Variants in UBR1 observed in about 807,000 individuals in gnomAD.
UBR1 encodes the protein ubiquitin protein ligase E3 component n-recognin 1.
In UBR1, 102 loss-of-function variants were observed where a neutral mutation model predicts 242.1. That is an observed-to-expected ratio of 0.42 (90% CI 0.36 to 0.50). The LOEUF (loss-of-function observed/expected upper bound fraction) is 0.50, where lower values mean the gene tolerates loss of function less well. UBR1 is among the 20% of genes least tolerant of loss of function. The pLI is 0.01. For missense variants in UBR1, 1,772 were observed against 2,101.8 expected, an observed-to-expected ratio of 0.84 and a Z score of 3.07; for synonymous variants, 675 against 684.8, an observed-to-expected ratio of 0.99 and a Z score of 0.22.
At chr15:42,983,433 G>A (rs1462804008) in intron 37 of UBR1, among the ~76,000 whole-genome samples, 5 of 151,520 alleles carry the variant, frequency 3.3e-5, no homozygotes, top group Non-Finnish European at 5.9e-5. Context: ...GGAGGCAGGC[G>A]AATCACCAGA....
rs760977983 is a variant in UBR1 at position 43,002,737 on chromosome 15, AACT to A, written c.3510-36_3510-34del. ...ATTACAAAGACACAGGCCCATTCAG[AACT>A]ACACATGCATCTCTACATGTGTATC... is the stretch of plus-strand genomic sequence containing the variant. On this transcript the variant is annotated intron_variant, in intron 31 of 46. Coordinates refer to ENST00000290650, the MANE Select transcript of UBR1 (RefSeq NM_174916.3). 4 of 1,613,928 alleles carry A rather than the reference AACT, an allele frequency of 2.5e-6. No individual in the cohort carries two copies. In the South Asian group the frequency reaches 4.4e-5, roughly 18 times the overall value.
chr15:43,023,307 C>T (rs1171412216), intron 25 of UBR1, among the ~76,000 whole-genome samples: 6 of 152,018 alleles, frequency 3.9e-5, no homozygotes, highest in African/African-American at 1.4e-4. Flanking sequence ...AATGTTCAAC[C>T]TGGCCCGGAG....
In UBR1 at chr15:43,015,084, C is replaced by T. The variant is rs574725531; in HGVS notation, c.3209+604G>A. Among the ~76,000 whole-genome samples the T allele has an allele frequency of 9.3e-3, 1,408 of 152,022 alleles. 17 individuals are homozygous for T. The highest frequency in any genetic ancestry group is 0.032 in the African/African-American group (1,340 of 41,482). On this transcript the variant is annotated intron_variant, in intron 29 of 46. Coordinates refer to ENST00000290650, the MANE Select transcript of UBR1 (RefSeq NM_174916.3). ...GAGGTGGGGGGCACCTCGGCCCGGCCGCCCCTACTGGGAAGTGAGGAGCCC... is the reference window on the plus strand; with the variant it reads ...GAGGTGGGGGGCACCTCGGCCCGGCTGCCCCTACTGGGAAGTGAGGAGCCC...
At position 43,002,586 on chromosome 15, in the gene UBR1, T is replaced by C; in HGVS notation, c.3628A>G (p.Ile1210Val). Residue 1210 changes from isoleucine to valine, a missense_variant, in exon 32 of 47, where the codon ATT (isoleucine) becomes GTT (valine). Coordinates refer to ENST00000290650, the MANE Select transcript of UBR1 (RefSeq NM_174916.3). ...ATCTTTTGAGGTTGCAAAGGAATAA[T>C]GGGGATCACAGTATTGCACAGAGAT... ...CKSLCNTVIPIIPLQPQKINS... is the reference protein window; with the variant it reads ...CKSLCNTVIPVIPLQPQKINS... 1 of 1,614,134 alleles carries C rather than the reference T, an allele frequency of 6.2e-7. No homozygotes were observed. Among genetic ancestry groups the C allele is most frequent in the South Asian group, 1.1e-5 (1 of 91,082 alleles).
intron 1 of UBR1, among the ~76,000 whole-genome samples, chr15:43,088,202 G>A (rs1397084857): frequency 2.0e-5 from 3 of 152,124 alleles, no homozygotes; most frequent in African/African-American, 7.2e-5. Context: ...AAACCTGAAT[G>A]TCCGTGAAGA....
At chr15:43,002,986 G>T (rs2032749451) in intron 31 of UBR1, among the ~76,000 whole-genome samples, 1 of 152,184 alleles carries the variant, frequency 6.6e-6, no homozygotes. Context: ...GATACAGCAT[G>T]GACACTACTT....
chr15:43,017,153 T>C lies in UBR1; in HGVS notation c.2969A>G (p.Glu990Gly). 5 of 1,613,642 alleles carry C rather than the reference T, an allele frequency of 3.1e-6. No homozygotes were observed. The highest frequency in any genetic ancestry group is 1.1e-5 in the South Asian group (1 of 91,068). The change falls in exon 28 of 47, where the codon GAA becomes GGA. Residue 990 changes from glutamate to glycine, a missense_variant. Around this residue, in one of 3 missense-constraint regions of UBR1, gnomAD observed 965 missense variants for 1,079.7 expected, o/e 0.89. Coordinates refer to ENST00000290650, the MANE Select transcript of UBR1 (RefSeq NM_174916.3). The part of the protein sequence containing the change: ...QMFDTVKRLR[E>G]KSCLIVATTS... ...GGTTGCTACAATTAAACAAGATTTT[T>C]CTCTTAATCGCTTCACTGTGTCAAA... is the stretch of plus-strand genomic sequence containing the variant.
chr15:42,989,941 A>AAAAGTAAGG (rs1238237161), intron 34 of UBR1, 89 bp downstream of exon 34: 1 of 942,852 alleles, frequency 1.1e-6, no homozygotes, highest in African/African-American at 1.7e-5. Context: ...TTACAAATAA[A>AAAAGTAAGG]AAAGTAAGGA....
intron 43 of UBR1, 37 bp from the exon 44 acceptor site, chr15:42,958,127 T>A (rs1281705851): frequency 1.5e-5 from 22 of 1,501,602 alleles, no homozygotes; most frequent in Non-Finnish European, 2.0e-5. Context: ...TATTTTAGAG[T>A]AAATAACCCC....
At chr15:42,960,565 G>C (rs2141255136) in intron 43 of UBR1, 80 bp downstream of exon 43, 3 of 1,404,952 alleles carry the variant, frequency 2.1e-6, no homozygotes, top group East Asian at 2.4e-5. Context: ...AAGCAGACTA[G>C]AAACTATGCT....
At chr15:42,984,343 G>A (rs1040591915) in intron 36 of UBR1, among the ~76,000 whole-genome samples, 1 of 152,182 alleles carries the variant, frequency 6.6e-6, no homozygotes, top group African/African-American at 2.4e-5. Flanking sequence ...GGCAGGGAAG[G>A]AATGGCAACC....
At chr15:42,982,097 T>C (rs1473903273) in intron 37 of UBR1, among the ~76,000 whole-genome samples, 1 of 152,190 alleles carries the variant, frequency 6.6e-6, no homozygotes, top group Non-Finnish European at 1.5e-5. Context: ...GGTGTCAAAC[T>C]CCTGGGCTTA....
At chr15:43,091,957 A>C (rs1264434628) in intron 1 of UBR1, 3 of 434,946 alleles carry the variant, frequency 6.9e-6, no homozygotes, top group East Asian at 1.5e-4. Flanking sequence ...GCGGTGGCAC[A>C]TACCTGTGGT....
At chr15:43,059,942 AG>A in intron 7 of UBR1, 109 bp downstream of exon 7, 1 of 1,540,016 alleles carries the variant, frequency 6.5e-7, no homozygotes, top group Non-Finnish European at 9.0e-7. Flanking sequence ...CTCTGCATCT[AG>A]GTGCCCCAAA....
chr15:43,047,946 C>T (rs1448583513), intron 13 of UBR1, among the ~76,000 whole-genome samples: 1 of 152,276 alleles, frequency 6.6e-6, no homozygotes, highest in Non-Finnish European at 1.5e-5. Context: ...CATGGCAGCT[C>T]ACACCTGTAA....
chr15:43,033,381 C>T (rs945019056), intron 19 of UBR1, among the ~76,000 whole-genome samples: 16 of 152,028 alleles, frequency 1.1e-4, no homozygotes, highest in East Asian at 3.9e-4. Flanking sequence ...CGTGGTGGTG[C>T]GCCCCTGTAA....
intron 43 of UBR1, among the ~76,000 whole-genome samples, chr15:42,958,492 T>C (rs1393682489): frequency 2.0e-5 from 3 of 152,288 alleles, no homozygotes; most frequent in Middle Eastern, 3.4e-3. Flanking sequence ...AAATATACCA[T>C]ACTCCAATCA....
intron 14 of UBR1, among the ~76,000 whole-genome samples, chr15:43,043,597 C>T (rs565327177): frequency 4.6e-5 from 7 of 152,196 alleles, no homozygotes; most frequent in African/African-American, 7.2e-5. Flanking sequence ...ACTACAGGCG[C>T]GTGCCACCAT....
At chr15:43,101,549 G>T (rs1373613265) in intron 1 of UBR1, among the ~76,000 whole-genome samples, 1 of 152,142 alleles carries the variant, frequency 6.6e-6, no homozygotes, top group Non-Finnish European at 1.5e-5. Context: ...CACAACCAAG[G>T]CCAGGTGCGA....
Sources: gnomAD v4.1 joint callset for allele counts (sites outside exome capture counted in the v4.1 genomes callset) on GRCh38, gnomAD v4.1.1 for gene constraint, gnomAD v4.1.1 regional missense constraint, MANE v1.5 for transcripts, NCBI Gene and HGNC (gene_info 2026-07-23, HGNC 2026-07-21) for gene names.